The following PRTG variants were observed in gnomAD, a reference collection of about 807,000 sequenced individuals.
The protein encoded by PRTG is protogenin, also known as immunoglobulin superfamily, DCC subclass, member 5.
In PRTG, 67 loss-of-function variants were observed where a neutral mutation model predicts 122.5. That is an observed-to-expected ratio of 0.55 (90% CI 0.45 to 0.67). The LOEUF is 0.67. Among genes scored for constraint, PRTG ranks in the 30% least tolerant of loss-of-function variants. The pLI, the probability that PRTG is intolerant of heterozygous loss-of-function variation, is 0.00. For missense variants in PRTG, 1,435 were observed against 1,415.4 expected, an observed-to-expected ratio of 1.01 and a Z score of -0.22; for synonymous variants, 554 against 501.1, an observed-to-expected ratio of 1.11 and a Z score of -1.41.
chr15:55,678,635 T>C (rs1394290860), intron 7 of PRTG, among the ~76,000 whole-genome samples: 1 of 152,230 alleles, frequency 6.6e-6, no homozygotes, highest in Non-Finnish European at 1.5e-5. Flanking sequence ...TCTACATTAA[T>C]CACTTAAAAT....
intron 15 of PRTG, among the ~76,000 whole-genome samples, chr15:55,633,813 C>A (rs1199978153): frequency 2.6e-5 from 4 of 152,034 alleles, no homozygotes; most frequent in Non-Finnish European, 5.9e-5. Flanking sequence ...GCCTTAGCTA[C>A]GAAAAAAGTT....
chr15:55,631,631 TTA>T (rs1274356523), intron 15 of PRTG, among the ~76,000 whole-genome samples: 1 of 152,192 alleles, frequency 6.6e-6, no homozygotes, highest in East Asian at 1.9e-4. Flanking sequence ...CTCCTGCCTT[TTA>T]TATGTGTCTG....
intron 11 of PRTG, among the ~76,000 whole-genome samples, chr15:55,642,700 G>T (rs898644537): frequency 6.6e-6 from 1 of 151,922 alleles, no homozygotes; most frequent in Admixed American, 6.6e-5. Flanking sequence ...CTTCATAAGG[G>T]AAAACAGTAA....
intron 11 of PRTG, among the ~76,000 whole-genome samples, chr15:55,669,963 T>C (rs1463603133): frequency 6.6e-6 from 1 of 152,238 alleles, no homozygotes; most frequent in Non-Finnish European, 1.5e-5. Context: ...TCAAATAGCA[T>C]ACACAGTGGA....
chr15:55,638,674 G>C lies in PRTG; in HGVS notation c.2327C>G (p.Ser776Ter). 1 of 1,611,586 alleles carries C rather than the reference G, an allele frequency of 6.2e-7. No homozygotes were observed. Residue 776 changes from serine to a stop codon, truncating the protein, a stop_gained and splice_region_variant, in exon 14 of 20, where the codon TCA (serine) becomes TGA (stop). Transcript: ENST00000389286. LOFTEE classifies it high-confidence loss of function. ...NASLVLYLQT[S>*]ETHMLVQGLE... ...ACCTTGAACCAACATGTGAGTTTCTGATCTATAATAACGAGTGATGAAGTT... is the reference window on the plus strand; with the variant it reads ...ACCTTGAACCAACATGTGAGTTTCTCATCTATAATAACGAGTGATGAAGTT...
At chr15:55,637,054 A>T in intron 15 of PRTG, 116 bp downstream of exon 15, 2 of 909,056 alleles carry the variant, frequency 2.2e-6, no homozygotes, top group Non-Finnish European at 1.6e-6. Context: ...AAAATCTTTT[A>T]TTACTTCATA....
chr15:55,689,308 T>G (rs1276439894), intron 2 of PRTG, among the ~76,000 whole-genome samples: 1 of 152,192 alleles, frequency 6.6e-6, no homozygotes. Flanking sequence ...TCAGCATCCA[T>G]CCTTCTAAAT....
At chr15:55,727,188 AC>A (rs1311786009) in intron 2 of PRTG, among the ~76,000 whole-genome samples, 2 of 152,106 alleles carry the variant, frequency 1.3e-5, no homozygotes, top group African/African-American at 4.8e-5. Context: ...AATAAAAAAA[AC>A]AAAGAAATAA....
chr15:55,729,919 A>G (rs1354038427), intron 2 of PRTG, among the ~76,000 whole-genome samples: 3 of 152,218 alleles, frequency 2.0e-5, no homozygotes, highest in African/African-American at 7.2e-5. Flanking sequence ...GAGGATATAC[A>G]CAAGAAAAGA....
chr15:55,643,522 C>T (rs991716006), intron 11 of PRTG, among the ~76,000 whole-genome samples: 3 of 151,760 alleles, frequency 2.0e-5, no homozygotes, highest in Admixed American at 2.0e-4. Context: ...CAGCCTCAAA[C>T]TCCTGAGCTC....
At chr15:55,633,956 T>C (rs71476736) in intron 15 of PRTG, among the ~76,000 whole-genome samples, 22,509 of 151,902 alleles carry the variant, frequency 0.15, 2,170 homozygotes, top group African/African-American at 0.27. Flanking sequence ...GTAACTGTAA[T>C]CCCTTTCACT....
chr15:55,741,290 A>G (rs756923802), intron 1 of PRTG, among the ~76,000 whole-genome samples: 7 of 152,240 alleles, frequency 4.6e-5, no homozygotes, highest in Non-Finnish European at 8.8e-5. Context: ...CTAGGTATTT[A>G]AAAGACAAAC....
At chr15:55,637,404 T>G in intron 14 of PRTG, 64 bp from the exon 15 acceptor site, 1 of 1,365,430 alleles carries the variant, frequency 7.3e-7, no homozygotes, top group Non-Finnish European at 9.7e-7. Flanking sequence ...CTCAAATACC[T>G]GGCTTATAGG....
rs2059133630 is a variant in PRTG at position 55,614,436 on chromosome 15, T to A, written c.*5576A>T. The A allele has an allele frequency of 6.6e-6, 1 of 152,060 alleles. No individual in the cohort carries two copies. Among genetic ancestry groups the A allele is most frequent in the South Asian group, 2.1e-4 (1 of 4,824 alleles). 9.4% of individuals were successfully genotyped at this position (152,060 alleles called of 1,614,324 possible). On this transcript the variant is annotated 3_prime_UTR_variant, in exon 20 of 20. Coordinates refer to ENST00000389286, the MANE Select transcript of PRTG (RefSeq NM_173814.6). ...GAAAGTTGTGAATGTTGTGAATATG[T>A]CATTAAAAGAAAACAAAGAATAAAC...
chr15:55,677,937 A>G lies in PRTG; in HGVS notation c.1241T>C (p.Met414Thr). Reference sequence around the variant, plus strand: ...GGGAGCACTGGGTCTGTCTTCTGACATCACTACAGTCAGTCTGGCTCTAGA... The same window carrying G: ...GGGAGCACTGGGTCTGTCTTCTGACGTCACTACAGTCAGTCTGGCTCTAGA... ...ILSRARLTVVMSEDRPSAPYN... is the reference protein window; with the variant it reads ...ILSRARLTVVTSEDRPSAPYN... The change falls in exon 8 of 20, where the codon ATG becomes ACG. Residue 414 changes from methionine (M) to threonine (T), a missense_variant. Transcript: ENST00000389286. 1.9e-6 allele frequency: 3 copies of G among 1,613,828 alleles called. No homozygotes were observed. Among genetic ancestry groups the G allele is most frequent in the Non-Finnish European group, 2.5e-6 (3 of 1,179,778 alleles).
rs746454904 is a variant in PRTG, at chr15:55,740,620, C to A, written c.159G>T (p.Lys53Asn). ...KEPQDVTVTRKDPVVLDCQAH... is the reference protein window; with the variant it reads ...KEPQDVTVTRNDPVVLDCQAH... Reference sequence around the variant, plus strand: ...CCTGGCAATCTAAAACGACTGGGTCCTTTCTTGTGACAGTTACATCCTGTG... The same window carrying A: ...CCTGGCAATCTAAAACGACTGGGTCATTTCTTGTGACAGTTACATCCTGTG... Residue 53 changes from lysine (K) to asparagine (N), a missense_variant, in exon 2 of 20, where the codon AAG becomes AAT. Physicochemically the swap from Lys to Asn is moderately conservative, Grantham distance 94. Transcript: ENST00000389286. The A allele has an allele frequency of 6.2e-7, 1 of 1,614,122 alleles. No individual in the cohort carries two copies. The highest frequency in any genetic ancestry group is 8.5e-7 in the Non-Finnish European group (1 of 1,180,002).
Position 55,680,134 on chromosome 15 carries a change from T to C in PRTG, c.893A>G (p.His298Arg), listed in dbSNP as rs745845592. 2.5e-6 allele frequency: 4 copies of C among 1,612,954 alleles called. No individual in the cohort carries two copies. The South Asian group carries it at 4.4e-5, about 18-fold the overall frequency. Reference sequence around the variant, plus strand: ...GGCCCGACAAACATATACTCCAGCATGTTGTAGCCTGACATCAGATATCAT... The same window carrying C: ...GGCCCGACAAACATATACTCCAGCACGTTGTAGCCTGACATCAGATATCAT... The part of the protein sequence containing the change: ...NLMISDVRLQ[H>R]AGVYVCRATT... Residue 298 changes from histidine (H) to arginine (R), a missense_variant, in exon 6 of 20, where the codon CAT becomes CGT. By Grantham distance (29) the His-to-Arg change is conservative. Transcript: ENST00000389286.
chr15:55,716,360 A>G (rs1410708402), intron 2 of PRTG, among the ~76,000 whole-genome samples: 1 of 152,198 alleles, frequency 6.6e-6, no homozygotes, highest in South Asian at 2.1e-4. Context: ...TTCAGGATAA[A>G]CAATCCATGG....
At chr15:55,697,855 T>A (rs1450981976) in intron 2 of PRTG, among the ~76,000 whole-genome samples, 1 of 152,232 alleles carries the variant, frequency 6.6e-6, no homozygotes. Context: ...AGGGTTATTA[T>A]GGATAACGTA....
Sources: gnomAD v4.1 joint callset for allele counts (sites outside exome capture counted in the v4.1 genomes callset) on GRCh38, gnomAD v4.1.1 for gene constraint, MANE v1.5 for transcripts, NCBI Gene and HGNC (gene_info 2026-07-23, HGNC 2026-07-21) for gene names.